Variants in TBC1D23 observed in about 807,000 individuals in gnomAD.
TBC1D23 encodes TBC1 domain family member 23.
In TBC1D23, 55 loss-of-function variants were observed where a neutral mutation model predicts 91.4. The ratio of observed to expected loss-of-function variants is 0.60; its 90% CI spans 0.48 to 0.75. The LOEUF (loss-of-function observed/expected upper bound fraction) is 0.75, where lower values mean the gene tolerates loss of function less well. Ranked by LOEUF, TBC1D23 falls within the 30% of genes least tolerant of loss-of-function variation. The pLI is 0.00. For missense variants in TBC1D23, 725 were observed against 836.1 expected, an observed-to-expected ratio of 0.87 and a Z score of 1.64; for synonymous variants, 289 against 281.0, an observed-to-expected ratio of 1.03 and a Z score of -0.28.
chr3:100,280,157 G>T (rs2067682288), intron 2 of TBC1D23, among the ~76,000 whole-genome samples: 1 of 151,936 alleles, frequency 6.6e-6, no homozygotes, highest in South Asian at 2.1e-4. Flanking sequence ...TTGAACCCAG[G>T]AGGCGAGGCT....
intron 1 of TBC1D23, among the ~76,000 whole-genome samples, chr3:100,262,196 G>A (rs1238907323): frequency 6.6e-6 from 1 of 152,140 alleles, no homozygotes; most frequent in African/African-American, 2.4e-5. Flanking sequence ...ACTTGCTTAT[G>A]TTGGAGTTGG....
Position 100,319,193 on chromosome 3 carries a change from CAT to C in TBC1D23, c.1813_1814del (p.Met605ValfsTer38), listed in dbSNP as rs1705807222. ...PCKEVKESGH[M>X]FPSHLLVTAT... ...GTAAAGAAGTAAAAGAAAGTGGACA[CAT>C]GTTTCCCAGGTACTTTTAAAAATGT... On this transcript the variant is annotated frameshift_variant, in exon 17 of 19. Coordinates refer to ENST00000394144, the MANE Select transcript of TBC1D23 (RefSeq NM_001199198.3). LOFTEE classifies it high-confidence loss of function. 6 of 1,602,948 alleles carry C rather than the reference CAT, an allele frequency of 3.7e-6. No individual in the cohort carries two copies. Among genetic ancestry groups the C allele is most frequent in the South Asian group, 1.1e-5 (1 of 87,984 alleles).
Position 100,306,445 on chromosome 3 carries a change from C to A in TBC1D23, c.1315C>A (p.Gln439Lys). ...IASGGFMALQQHLADINVDGP... is the reference protein window; with the variant it reads ...IASGGFMALQKHLADINVDGP... Reference sequence around the variant, plus strand: ...TTTTAATTTATCTTAAGCACTGCAGCAGCACCTGGCAGACATTAATGTGGA... The same window carrying A: ...TTTTAATTTATCTTAAGCACTGCAGAAGCACCTGGCAGACATTAATGTGGA... Residue 439 changes from glutamine (Q) to lysine (K), a missense_variant, in exon 13 of 19, where the codon CAG (glutamine) becomes AAG (lysine). Physicochemically the swap from Gln to Lys is moderately conservative, Grantham distance 53 (BLOSUM62 1). Coordinates refer to ENST00000394144, the MANE Select transcript of TBC1D23 (RefSeq NM_001199198.3). 2 of 1,599,828 alleles carry A rather than the reference C, an allele frequency of 1.3e-6. No individual in the cohort carries two copies. Among genetic ancestry groups the A allele is most frequent in the Non-Finnish European group, 1.7e-6 (2 of 1,167,848 alleles).
At chr3:100,296,991 T>G (rs905160469) in intron 8 of TBC1D23, among the ~76,000 whole-genome samples, 6 of 152,164 alleles carry the variant, frequency 3.9e-5, no homozygotes, top group African/African-American at 1.4e-4. Flanking sequence ...AAAGGTCATT[T>G]AGGCCCCGTA....
At chr3:100,296,425 T>TA (rs1223371296) in intron 8 of TBC1D23, 150 bp downstream of exon 8, 4 of 529,220 alleles carry the variant, frequency 7.6e-6, no homozygotes, top group Non-Finnish European at 1.3e-5. Context: ...TTCATCTCTG[T>TA]AAATACCCTC....
At chr3:100,289,740 G>C (rs1165757932) in intron 4 of TBC1D23, among the ~76,000 whole-genome samples, 1 of 152,132 alleles carries the variant, frequency 6.6e-6, no homozygotes, top group Non-Finnish European at 1.5e-5. Flanking sequence ...TGCATCTGTA[G>C]GTGCTTTGTA....
chr3:100,305,029 C>A, intron 12 of TBC1D23, 141 bp downstream of exon 12: 1 of 546,816 alleles, frequency 1.8e-6, no homozygotes, highest in Non-Finnish European at 3.2e-6. Flanking sequence ...AAGGCAAGGC[C>A]AGGAGGACTT....
intron 13 of TBC1D23, among the ~76,000 whole-genome samples, chr3:100,308,285 A>G (rs910534872): frequency 6.6e-6 from 1 of 152,004 alleles, no homozygotes; most frequent in Non-Finnish European, 1.5e-5. Context: ...ACCATCCTGG[A>G]TAACACGGTG....
chr3:100,263,624 T>A (rs2067533112), intron 1 of TBC1D23, among the ~76,000 whole-genome samples: 1 of 152,146 alleles, frequency 6.6e-6, no homozygotes, highest in South Asian at 2.1e-4. Flanking sequence ...AGTAAAAAAG[T>A]TTTTAACTAA....
chr3:100,314,231 T>C, intron 15 of TBC1D23, among the ~76,000 whole-genome samples: 1 of 151,176 alleles, frequency 6.6e-6, no homozygotes, highest in Non-Finnish European at 1.5e-5. Flanking sequence ...CCCAAGTAGC[T>C]GGGACTACAG....
At chr3:100,262,723 C>CAAAAAAAAAAAAAAAA (rs1174689237) in intron 1 of TBC1D23, among the ~76,000 whole-genome samples, 1 of 51,422 alleles carries the variant, frequency 1.9e-5, no homozygotes, top group Non-Finnish European at 3.5e-5. Context: ...GGCTCGGTCT[C>CAAAAAAAAAAAAAAAA]AAAAAAAAAA....
At chr3:100,306,415 T>C (rs761572819) in intron 12 of TBC1D23, 22 bp from the exon 13 acceptor site, 1 of 1,461,902 alleles carries the variant, frequency 6.8e-7, no homozygotes. Flanking sequence ...AGGTTTTTCT[T>C]TTTTTTTTAA....
In TBC1D23 at chr3:100,287,417, A is replaced by G. The variant is rs1576168086; in HGVS notation, c.477-3161A>G. Among the ~76,000 whole-genome samples, 3 of 152,220 alleles carry G rather than the reference A, an allele frequency of 2.0e-5. No homozygotes were observed. In the South Asian group the frequency reaches 6.2e-4, roughly 32 times the overall value. On this transcript the variant is annotated intron_variant, in intron 4 of 18. Transcript: ENST00000394144. ...ACTGCAGTATACAGTTGTTAAATGA[A>G]TAATTGCTGTTGCAGTGGCTGACTC...
chr3:100,293,095 A>T (rs979053503), intron 5 of TBC1D23, among the ~76,000 whole-genome samples: 9 of 142,980 alleles, frequency 6.3e-5, no homozygotes, highest in African/African-American at 2.5e-4. Flanking sequence ...TTCAGCTGAT[A>T]TGCCAGATAG....
In TBC1D23 at chr3:100,283,632, G is replaced by A; in HGVS notation, c.297G>A (p.Lys99=). Residue 99 remains lysine, a synonymous_variant, in exon 4 of 19, where the codon AAG becomes AAA. Coordinates refer to ENST00000394144, the MANE Select transcript of TBC1D23 (RefSeq NM_001199198.3). ...FIDQLSVPEE[K]AAELLLDIES... ...ACCAGCTTTCAGTGCCAGAGGAGAA[G>A]GCAGCAGAATTACTTTTGGATATTG... 6.2e-7 allele frequency: 1 copy of A among 1,613,902 alleles called. No homozygotes were observed. Among genetic ancestry groups the A allele is most frequent in the South Asian group, 1.1e-5 (1 of 91,076 alleles).
chr3:100,269,580 G>A (rs2067584643), intron 1 of TBC1D23, among the ~76,000 whole-genome samples: 1 of 152,144 alleles, frequency 6.6e-6, no homozygotes. Flanking sequence ...AAAATAAGTT[G>A]CACAAGACAT....
chr3:100,267,074 G>A (rs2067563562), intron 1 of TBC1D23: 1 of 218,074 alleles, frequency 4.6e-6, no homozygotes, highest in African/African-American at 2.4e-5. Flanking sequence ...GGGATACTTT[G>A]ATTTTTTTCA....
intron 12 of TBC1D23, among the ~76,000 whole-genome samples, chr3:100,305,814 T>C (rs575501986): frequency 3.5e-4 from 53 of 152,292 alleles, no homozygotes; most frequent in Non-Finnish European, 6.3e-4. Flanking sequence ...TTTTAATAAG[T>C]AGTGTTAAAC....
At chr3:100,316,040 TA>T in intron 15 of TBC1D23, 58 bp from the exon 16 acceptor site, 2 of 1,368,170 alleles carry the variant, frequency 1.5e-6, no homozygotes, top group Non-Finnish European at 2.1e-6. Flanking sequence ...TGATGCTTGG[TA>T]AAAATCTTTG....
Sources: allele counts gnomAD v4.1 joint callset (sites outside exome capture counted in the v4.1 genomes callset), GRCh38; gene constraint gnomAD v4.1.1; transcripts MANE v1.5; gene names NCBI Gene and HGNC (gene_info 2026-07-23, HGNC 2026-07-21).